Variants in SHB observed in about 807,000 individuals in gnomAD.
SHB encodes SH2 domain containing adaptor protein B, also known as SH2 domain-containing adapter protein B.
Under a neutral mutation model 52.3 loss-of-function variants are expected in SHB, and 20 were observed. The ratio of observed to expected loss-of-function variants is 0.38; its 90% CI spans 0.27 to 0.56. The LOEUF is 0.56. Ranked by LOEUF, SHB falls within the 20% of genes least tolerant of loss-of-function variation. SHB has a pLI of 0.71. For missense variants in SHB, 825 were observed against 723.3 expected, an observed-to-expected ratio of 1.14 and a Z score of -1.61; for synonymous variants, 397 against 316.5, an observed-to-expected ratio of 1.25 and a Z score of -2.70.
rs551674245 is a variant in SHB, at chr9:37,955,985, C to A, written c.1124G>T (p.Arg375Leu). ...AGGCTTAAAGCCCCCTCCAGGGGCA[C>A]GAAGCTGGCGCCGCCGGTCCCGCGA... ...SPSRDRRRQL[R>L]APGGGFKPIK... The change falls in exon 4 of 6, where the codon CGT (arginine) becomes CTT (leucine). Residue 375 changes from arginine (R) to leucine (L), a missense_variant. By Grantham distance (102) the Arg-to-Leu change is moderately radical. Transcript: ENST00000377707. 1.4e-5 allele frequency: 22 copies of A among 1,601,558 alleles called. 1 individual carries two copies. Among genetic ancestry groups the A allele is most frequent in the Non-Finnish European group, 1.8e-5 (21 of 1,174,872 alleles).
intron 3 of SHB, among the ~76,000 whole-genome samples, chr9:37,967,460 T>A (rs1282024528): frequency 6.6e-6 from 1 of 152,192 alleles, no homozygotes; most frequent in African/African-American, 2.4e-5. Flanking sequence ...AGTGCGTATC[T>A]AGCTATTTCC....
In SHB at chr9:38,068,038, G is replaced by A; in HGVS notation, c.608C>T (p.Ala203Val). Reference sequence around the variant, plus strand: ...GCTCCAGGTGCGGCCGCCCGCGCAGGCGCCCCCCAGGGGGTCCCCGGCCCC... The same window carrying A: ...GCTCCAGGTGCGGCCGCCCGCGCAGACGCCCCCCAGGGGGTCCCCGGCCCC... ...GGGAGDPLGG[A>V]CAGGRTWSPT... The change falls in exon 1 of 6, where the codon GCC (alanine) becomes GTC (valine). Residue 203 changes from alanine to valine, a missense_variant. By Grantham distance (64) the Ala-to-Val change is moderately conservative. Transcript: ENST00000377707. 6.6e-7 allele frequency: 1 copy of A among 1,507,732 alleles called. No homozygotes were observed. Among genetic ancestry groups the A allele is most frequent in the African/African-American group, 1.4e-5 (1 of 69,856 alleles). 93.4% of individuals were successfully genotyped at this position (1,507,732 alleles called of 1,614,324 possible).
rs1029214052 is a variant in SHB at position 38,068,147 on chromosome 9, C to T, written c.499G>A (p.Glu167Lys). Residue 167 changes from glutamate to lysine, a missense_variant, in exon 1 of 6, where the codon GAG becomes AAG. Transcript: ENST00000377707. Reference protein sequence around the residue: ...GSPHLYRSSSERRPATPAEVR... With the variant: ...GSPHLYRSSSKRRPATPAEVR... ...TCGGCCGGCGTGGCGGGCCGCCGCT[C>T]GCTGCTGCTGCGGTAGAGATGCGGA... 7.6e-6 allele frequency: 11 copies of T among 1,441,320 alleles called. No homozygotes were observed. Among genetic ancestry groups the T allele is most frequent in the African/African-American group, 1.5e-5 (1 of 67,164 alleles). The allele number at this position is 1,441,320 out of a possible 1,614,324, so 89.3% of individuals were successfully genotyped here.
intron 2 of SHB, among the ~76,000 whole-genome samples, chr9:37,981,954 G>A (rs1044824984): frequency 6.6e-5 from 10 of 152,082 alleles, no homozygotes; most frequent in Admixed American, 1.3e-4. Flanking sequence ...ACAGGTCACC[G>A]TAACAGCTAT....
At chr9:37,948,276 C>T (rs544093748) in intron 5 of SHB, among the ~76,000 whole-genome samples, 3 of 152,124 alleles carry the variant, frequency 2.0e-5, no homozygotes, top group East Asian at 1.9e-4. Flanking sequence ...TGCAAATTGG[C>T]GACGATATGT....
chr9:38,034,933 G>A (rs1040262309), intron 1 of SHB, among the ~76,000 whole-genome samples: 3 of 152,190 alleles, frequency 2.0e-5, no homozygotes, highest in Non-Finnish European at 4.4e-5. Context: ...CTGGCCTCAG[G>A]TGATCTGCCC....
intron 1 of SHB, among the ~76,000 whole-genome samples, chr9:38,022,227 C>T (rs1055133329): frequency 1.3e-5 from 2 of 152,204 alleles, no homozygotes; most frequent in African/African-American, 4.8e-5. Flanking sequence ...TTGAGCACAT[C>T]ATAGGAAGGT....
intron 5 of SHB, among the ~76,000 whole-genome samples, chr9:37,926,351 C>T (rs577348092): frequency 7.2e-5 from 11 of 152,292 alleles, no homozygotes; most frequent in African/African-American, 9.6e-5. Flanking sequence ...CTCACACCCG[C>T]GAGCAGGATG....
At chr9:37,952,008 C>G (rs1360835533) in intron 4 of SHB, among the ~76,000 whole-genome samples, 1 of 152,156 alleles carries the variant, frequency 6.6e-6, no homozygotes, top group Non-Finnish European at 1.5e-5. Context: ...GTGGGGTTGG[C>G]CAGTCAGGTC....
chr9:37,987,493 G>T (rs375949762), intron 2 of SHB, among the ~76,000 whole-genome samples: 2 of 152,158 alleles, frequency 1.3e-5, no homozygotes, highest in Non-Finnish European at 2.9e-5. Context: ...AAAAGAACAC[G>T]GACACATTCA....
intron 3 of SHB, among the ~76,000 whole-genome samples, chr9:37,971,887 T>G (rs796692289): frequency 1.3e-5 from 2 of 152,344 alleles, no homozygotes; most frequent in African/African-American, 4.8e-5. Context: ...CCTGAGAGTT[T>G]TCTTCAAAGA....
chr9:37,969,940 TG>T (rs1450216416), intron 3 of SHB, among the ~76,000 whole-genome samples: 1 of 152,234 alleles, frequency 6.6e-6, no homozygotes, highest in African/African-American at 2.4e-5. Context: ...ACCCAACTGC[TG>T]GCCTTGCTGG....
intron 2 of SHB, among the ~76,000 whole-genome samples, chr9:38,003,341 C>T (rs1295012833): frequency 1.3e-5 from 2 of 152,052 alleles, no homozygotes; most frequent in African/African-American, 4.8e-5. Flanking sequence ...CCCTTGAACC[C>T]TGGGGCTAGG....
At chr9:38,014,880 C>T (rs1449457408) in intron 2 of SHB, among the ~76,000 whole-genome samples, 2 of 152,248 alleles carry the variant, frequency 1.3e-5, no homozygotes, top group Non-Finnish European at 2.9e-5. Context: ...CCGGCACACG[C>T]TCAGTGCTCA....
intron 1 of SHB, among the ~76,000 whole-genome samples, chr9:38,030,313 C>T (rs535620418): frequency 2.0e-5 from 3 of 152,280 alleles, no homozygotes; most frequent in African/African-American, 4.8e-5. Flanking sequence ...ACTCTGTAGA[C>T]GACACAGCAA....
intron 2 of SHB, among the ~76,000 whole-genome samples, chr9:38,004,486 G>A (rs897670830): frequency 4.6e-5 from 7 of 152,218 alleles, no homozygotes; most frequent in Admixed American, 2.0e-4. Flanking sequence ...GCAAAGGTGG[G>A]GGGACCAGGC....
At chr9:37,974,533 T>C (rs1820629238) in intron 3 of SHB, 89 bp downstream of exon 3, 6 of 1,108,644 alleles carry the variant, frequency 5.4e-6, no homozygotes, top group South Asian at 5.3e-5. Context: ...TAAACAACCC[T>C]GGAGTTTGTC....
At chr9:38,059,280 C>T (rs990833666) in intron 1 of SHB, among the ~76,000 whole-genome samples, 27 of 150,860 alleles carry the variant, frequency 1.8e-4, no homozygotes, top group African/African-American at 5.6e-4. Flanking sequence ...CCTCCTCGGC[C>T]GTGGGAAGCC....
intron 2 of SHB, among the ~76,000 whole-genome samples, chr9:38,005,330 T>G (rs1403258944): frequency 6.6e-6 from 1 of 152,198 alleles, no homozygotes; most frequent in Non-Finnish European, 1.5e-5. Flanking sequence ...CTCAGCTGCC[T>G]GTTTTGGAAA....
Sources: allele counts gnomAD v4.1 joint callset (sites outside exome capture counted in the v4.1 genomes callset), GRCh38; gene constraint gnomAD v4.1.1; transcripts MANE v1.5; gene names NCBI Gene and HGNC (gene_info 2026-07-23, HGNC 2026-07-21).